Variants in ARHGAP35 observed in about 807,000 individuals in gnomAD.
ARHGAP35 encodes the protein rho GTPase-activating protein 35.
Under a neutral mutation model 111.1 loss-of-function variants are expected in ARHGAP35, and 15 were observed. The observed-to-expected ratio is 0.13, with a 90% CI of 0.09 to 0.21. The LOEUF (loss-of-function observed/expected upper bound fraction) is 0.21, where lower values mean the gene tolerates loss of function less well. Among genes scored for constraint, ARHGAP35 ranks in the 10% least tolerant of loss-of-function variants. The probability of loss-of-function intolerance (pLI) is 1.00; values close to 1 mark genes in which losing one functional copy is unlikely to be tolerated. For missense variants in ARHGAP35, 1,262 were observed against 1,873.0 expected (o/e 0.67, Z 6.02); for synonymous variants, 643 against 710.3 (o/e 0.91, Z 1.51).
At chr19:46,897,749 C>T (rs370923846) in intron 1 of ARHGAP35, among the ~76,000 whole-genome samples, 19 of 150,438 alleles carry the variant, frequency 1.3e-4, no homozygotes, top group African/African-American at 4.4e-4. Flanking sequence ...TTTACAGGGT[C>T]AAGGGGAGCT....
At chr19:46,931,988 A>C (rs916532460) in intron 2 of ARHGAP35, among the ~76,000 whole-genome samples, 1 of 152,094 alleles carries the variant, frequency 6.6e-6, no homozygotes, top group African/African-American at 2.4e-5. Context: ...TTGGACTCTA[A>C]ACTTAAGAGG....
At chr19:46,890,539 G>A (rs2056018737) in intron 1 of ARHGAP35, among the ~76,000 whole-genome samples, 1 of 152,216 alleles carries the variant, frequency 6.6e-6, no homozygotes, top group East Asian at 1.9e-4. Context: ...ATTATATAGT[G>A]TCATGGCCAA....
intron 3 of ARHGAP35, among the ~76,000 whole-genome samples, chr19:46,955,106 G>A (rs773296665): frequency 5.3e-5 from 8 of 152,078 alleles, no homozygotes; most frequent in Admixed American, 3.3e-4. Flanking sequence ...TATTATTGTC[G>A]TTTCAATATC....
chr19:46,956,418 T>C (rs1485824779), intron 3 of ARHGAP35, among the ~76,000 whole-genome samples: 2 of 151,128 alleles, frequency 1.3e-5, no homozygotes, highest in African/African-American at 2.4e-5. Context: ...CCCCAAGATA[T>C]CTTTTTTTTT....
rs1239775980 is a variant in ARHGAP35, at chr19:47,000,185, G to A, written c.4143-146G>A. On this transcript the variant is annotated intron_variant, in intron 6 of 6. Transcript: ENST00000672722. This position sits in a 1 kb window ranked among gnomAD's most constrained non-coding sequence, Gnocchi z 6.9. ...CTGAGGGCGCAGCCTCCCAGGCAGG[G>A]CAGGGTACAGAGAGCTGCGCATGGC... is the stretch of plus-strand genomic sequence containing the variant. The A allele has an allele frequency of 1.1e-5, 9 of 842,914 alleles. No homozygotes were observed. Among genetic ancestry groups the A allele is most frequent in the Non-Finnish European group, 1.6e-5 (9 of 546,748 alleles). The allele number at this position is 842,914 out of a possible 1,614,324, so 52.2% of individuals were successfully genotyped here.
intron 5 of ARHGAP35, among the ~76,000 whole-genome samples, chr19:46,996,896 G>A (rs537454112): frequency 2.0e-5 from 3 of 152,202 alleles, no homozygotes; most frequent in Admixed American, 6.5e-5. Flanking sequence ...GGTGGCTCAC[G>A]CCTGTAATCC....
intron 3 of ARHGAP35, among the ~76,000 whole-genome samples, chr19:46,956,177 G>A (rs931859218): frequency 1.3e-5 from 2 of 152,158 alleles, no homozygotes; most frequent in African/African-American, 4.8e-5. Context: ...AATTAGCCAC[G>A]TGTGGTGGCG....
intron 1 of ARHGAP35, among the ~76,000 whole-genome samples, chr19:46,911,161 A>G (rs536776814): frequency 2.0e-5 from 3 of 152,254 alleles, no homozygotes; most frequent in East Asian, 3.9e-4. Flanking sequence ...TTTAGCCACT[A>G]TTATTCATGC....
At chr19:46,870,950 G>A (rs764480080) in intron 1 of ARHGAP35, among the ~76,000 whole-genome samples, 1 of 152,126 alleles carries the variant, frequency 6.6e-6, no homozygotes, top group Non-Finnish European at 1.5e-5. Flanking sequence ...ATATGATGGG[G>A]CATAATTCCC....
intron 2 of ARHGAP35, among the ~76,000 whole-genome samples, chr19:46,924,374 G>A (rs1275820392): frequency 1.3e-5 from 2 of 152,216 alleles, no homozygotes; most frequent in Non-Finnish European, 2.9e-5. Context: ...TCCCATAGTA[G>A]AGAGTGTTCC....
intron 1 of ARHGAP35, among the ~76,000 whole-genome samples, chr19:46,864,187 C>CT (rs1343990511): frequency 6.6e-6 from 1 of 152,258 alleles, no homozygotes; most frequent in East Asian, 1.9e-4. Flanking sequence ...GATTTTTAGT[C>CT]TTATTATCTG....
At position 46,933,540 on chromosome 19, in the gene ARHGAP35, C is replaced by T. The variant is rs139786572; in HGVS notation, c.3682-3724C>T. Among the ~76,000 whole-genome samples, 16 of 152,284 alleles carry T rather than the reference C, an allele frequency of 1.1e-4. 1 individual carries two copies. The highest frequency in any genetic ancestry group is 3.6e-4 in the African/African-American group (15 of 41,560). ...GATTATAAGCCGTGGTGGTTAAAAG[C>T]ACAGGTTTCGCAGTCATACAGACCT... On this transcript the variant is annotated intron_variant, in intron 2 of 6. Coordinates refer to ENST00000672722, the MANE Select transcript of ARHGAP35 (RefSeq NM_004491.5).
Position 46,886,247 on chromosome 19 carries a change from T to A in ARHGAP35, c.-189+25038T>A, listed in dbSNP as rs186081740. ...TGTCTAATATAACTTTCTGTGTTAT[T>A]CATTATGGTAACCACCAGTCACGTG... On this transcript the variant is annotated intron_variant, in intron 1 of 6. Transcript: ENST00000672722. 2.0e-4 allele frequency among the ~76,000 whole-genome samples: 31 copies of A among 152,326 alleles called. 1 individual carries two copies. The South Asian group carries it at 2.7e-3, about 13-fold the overall frequency.
At chr19:46,960,975 A>G (rs1201143635) in intron 3 of ARHGAP35, among the ~76,000 whole-genome samples, 4 of 151,054 alleles carry the variant, frequency 2.6e-5, no homozygotes, top group Non-Finnish European at 5.9e-5. Flanking sequence ...GCTCACTGCA[A>G]CCTCCACCTC....
chr19:46,878,283 A>G (rs182667501), intron 1 of ARHGAP35, among the ~76,000 whole-genome samples: 1 of 151,808 alleles, frequency 6.6e-6, no homozygotes, highest in East Asian at 1.9e-4. Flanking sequence ...TCGGCTTTCT[A>G]AAGTGCTGGG....
intron 3 of ARHGAP35, among the ~76,000 whole-genome samples, chr19:46,978,133 G>A (rs915453823): frequency 6.6e-6 from 1 of 152,186 alleles, no homozygotes; most frequent in African/African-American, 2.4e-5. Flanking sequence ...AGGAGCCCCC[G>A]AGGCCACATG....
Position 47,000,295 on chromosome 19 carries a change from C to T in ARHGAP35, c.4143-36C>T, listed in dbSNP as rs760785956. ...GCGCCCAGGGCCAGGTGGGGCCCTG[C>T]ACAGTTCTGACCATTGAGTTTGGTG... On this transcript the variant is annotated intron_variant, in intron 6 of 6. Coordinates refer to ENST00000672722, the MANE Select transcript of ARHGAP35 (RefSeq NM_004491.5). The surrounding 1 kb of genome is among the most constrained non-coding windows in gnomAD (Gnocchi z 6.9). 2 of 1,602,472 alleles carry T rather than the reference C, an allele frequency of 1.2e-6. No individual in the cohort carries two copies. Among genetic ancestry groups the T allele is most frequent in the Non-Finnish European group, 1.7e-6 (2 of 1,173,142 alleles).
intron 1 of ARHGAP35, among the ~76,000 whole-genome samples, chr19:46,877,216 C>T (rs1005600155): frequency 3.7e-5 from 5 of 134,524 alleles, no homozygotes; most frequent in Admixed American, 1.7e-4. Flanking sequence ...CACGCCATTG[C>T]GCTCCAGCCT....
chr19:46,983,578 G>A (rs1225585904), intron 3 of ARHGAP35, among the ~76,000 whole-genome samples: 1 of 145,730 alleles, frequency 6.9e-6, no homozygotes, highest in African/African-American at 2.5e-5. Context: ...TATATTGAGA[G>A]AATATTTGCC....
Sources: allele counts gnomAD v4.1 joint callset (sites outside exome capture counted in the v4.1 genomes callset), GRCh38; gene constraint gnomAD v4.1.1; non-coding constraint Gnocchi (gnomAD v3.1); transcripts MANE v1.5; gene names NCBI Gene and HGNC (gene_info 2026-07-23, HGNC 2026-07-21).